The following LDLRAD4 variants were observed in gnomAD, a reference collection of about 807,000 sequenced individuals.
LDLRAD4 encodes the protein low-density lipoprotein receptor class A domain-containing protein 4.
Under a neutral mutation model 17.0 loss-of-function variants are expected in LDLRAD4, and 5 were observed. That is an observed-to-expected ratio of 0.29 (90% CI 0.15 to 0.62). The LOEUF is 0.62. Among genes scored for constraint, LDLRAD4 ranks in the 20% least tolerant of loss-of-function variants. LDLRAD4 has a pLI of 0.84. For synonymous variants in LDLRAD4, 168 were observed against 171.8 expected, an observed-to-expected ratio of 0.98 and a Z score of 0.17; for missense variants, 340 against 424.7, an observed-to-expected ratio of 0.80 and a Z score of 1.75.
intron 3 of LDLRAD4, chr18:13,613,862 C>T (rs1253970099): frequency 3.9e-5 from 6 of 152,404 alleles, no homozygotes; most frequent in African/African-American, 1.2e-4. Context: ...GTTCATCTCT[C>T]CACCTACAGA....
chr18:13,336,850 A>G (rs2082126669), intron 1 of LDLRAD4, among the ~76,000 whole-genome samples: 1 of 152,240 alleles, frequency 6.6e-6, no homozygotes, highest in South Asian at 2.1e-4. Flanking sequence ...AACAATGACA[A>G]AATTTTGGTC....
At chr18:13,538,618 GGGTTCAAGC>G (rs1468054175) in intron 3 of LDLRAD4, among the ~76,000 whole-genome samples, 4 of 151,740 alleles carry the variant, frequency 2.6e-5, no homozygotes, top group African/African-American at 9.7e-5. Flanking sequence ...TCCGCCTCCT[GGGTTCAAGC>G]GATTCTCCCA....
rs181737101 is a variant in LDLRAD4 at position 13,528,774 on chromosome 18, A to G, written c.181+90390A>G. Among the ~76,000 whole-genome samples the G allele has an allele frequency of 1.0e-3, 156 of 152,332 alleles. 1 individual carries two copies. The highest frequency in any genetic ancestry group is 2.7e-3 in the African/African-American group (112 of 41,580). On this transcript the variant is annotated intron_variant, in intron 3 of 5. Coordinates refer to ENST00000359446, the Ensembl canonical transcript of LDLRAD4. ...TTCTGCAGTAACACCCGTGGTTCCC[A>G]TTGCACACCCCACTGGCTCCTGCAT... is the stretch of plus-strand genomic sequence containing the variant.
At chr18:13,454,187 G>A (rs140099575) in intron 3 of LDLRAD4, among the ~76,000 whole-genome samples, 66 of 152,348 alleles carry the variant, frequency 4.3e-4, no homozygotes, top group African/African-American at 1.2e-3. Flanking sequence ...CAGTGTTCAC[G>A]TGGAGGGAAT....
intron 2 of LDLRAD4, among the ~76,000 whole-genome samples, chr18:13,395,768 G>C (rs960561645): frequency 6.6e-6 from 1 of 150,396 alleles, no homozygotes; most frequent in Non-Finnish European, 1.5e-5. Flanking sequence ...GCGTGGGGGT[G>C]GGGGCATGGG....
At chr18:13,486,643 C>T (rs1382415306) in intron 3 of LDLRAD4, 1 of 152,146 alleles carries the variant, frequency 6.6e-6, no homozygotes, top group East Asian at 1.9e-4. Flanking sequence ...CACTTCATCA[C>T]TCTGTTTATT....
chr18:13,520,386 T>C (rs1200379548), intron 3 of LDLRAD4: 1 of 152,176 alleles, frequency 6.6e-6, no homozygotes, highest in Admixed American at 6.5e-5. Flanking sequence ...ACTTTACATA[T>C]CTTTAGTGCT....
chr18:13,375,049 T>C (rs2084803287), intron 1 of LDLRAD4, among the ~76,000 whole-genome samples: 1 of 152,206 alleles, frequency 6.6e-6, no homozygotes, highest in African/African-American at 2.4e-5. Flanking sequence ...TTTTTGGCGA[T>C]CTGAGGTCTG....
At chr18:13,631,335 A>T (rs1390230452) in intron 4 of LDLRAD4, among the ~76,000 whole-genome samples, 2 of 152,226 alleles carry the variant, frequency 1.3e-5, no homozygotes, top group African/African-American at 2.4e-5. Flanking sequence ...ATCTTAATAG[A>T]TCTATAGCTA....
At chr18:13,446,734 G>T (rs1464646490) in intron 3 of LDLRAD4, among the ~76,000 whole-genome samples, 2 of 152,238 alleles carry the variant, frequency 1.3e-5, no homozygotes, top group Non-Finnish European at 2.9e-5. Flanking sequence ...GGGCGGCTCT[G>T]TTTCTGCCAT....
At chr18:13,463,137 G>A (rs569405053) in intron 3 of LDLRAD4, among the ~76,000 whole-genome samples, 176 of 152,290 alleles carry the variant, frequency 1.2e-3, no homozygotes, top group Non-Finnish European at 2.0e-3. Context: ...AGAATCACAC[G>A]TGATGTGTGT....
At position 13,463,768 on chromosome 18, in the gene LDLRAD4, C is replaced by T. The variant is rs182596185; in HGVS notation, c.181+25384C>T. 1.4e-3 allele frequency among the ~76,000 whole-genome samples: 210 copies of T among 152,302 alleles called. No individual in the cohort carries two copies. The South Asian group carries it at 0.017, about 12-fold the overall frequency. On this transcript the variant is annotated intron_variant, in intron 3 of 5. Transcript: ENST00000359446. ...TTCAGGCCAGCTTGACAGCCACCCC[C>T]GCCTTTAGGGAGCTGCAGCAGCTAA...
intron 3 of LDLRAD4, among the ~76,000 whole-genome samples, chr18:13,531,608 A>T (rs868227184): frequency 5.4e-4 from 12 of 22,382 alleles, no homozygotes; most frequent in East Asian, 2.0e-3. Flanking sequence ...TTTTTTTTTT[A>T]AAGAAATCAC....
At chr18:13,612,031 C>T (rs572300573) in intron 3 of LDLRAD4, 12 of 985,390 alleles carry the variant, frequency 1.2e-5, no homozygotes, top group East Asian at 1.1e-4. Flanking sequence ...GCGAGCCTAA[C>T]GTGAGCGTCC....
intron 1 of LDLRAD4, among the ~76,000 whole-genome samples, chr18:13,219,518 T>C (rs2041332445): frequency 6.6e-6 from 1 of 152,164 alleles, no homozygotes; most frequent in Non-Finnish European, 1.5e-5. Context: ...TACATATTTA[T>C]TGAGGGCCTA....
chr18:13,611,499 T>C lies in LDLRAD4; in HGVS notation c.182-9618T>C, dbSNP rs561090349. The C allele has an allele frequency of 1.6e-5, 16 of 985,054 alleles. No homozygotes were observed. In the Admixed American group the frequency reaches 8.0e-4, roughly 49 times the overall value. The allele number at this position is 985,054 out of a possible 1,614,324, so 61.0% of individuals were successfully genotyped here. ...GGGGCATCCGAATGCACGGGAGATG[T>C]TTTACACTCAGATGAAACAAACTGT... On this transcript the variant is annotated intron_variant, in intron 3 of 5. Transcript: ENST00000359446.
intron 3 of LDLRAD4, among the ~76,000 whole-genome samples, chr18:13,583,526 T>C (rs2094894596): frequency 6.6e-6 from 1 of 152,158 alleles, no homozygotes; most frequent in Non-Finnish European, 1.5e-5. Context: ...ATAAGTGTTA[T>C]TAGAGTTCCA....
chr18:13,326,425 G>T (rs2081541001), intron 1 of LDLRAD4, among the ~76,000 whole-genome samples: 1 of 152,206 alleles, frequency 6.6e-6, no homozygotes, highest in Admixed American at 6.5e-5. Flanking sequence ...ATGTCTCTGG[G>T]CAGGTGGAGG....
intron 1 of LDLRAD4, among the ~76,000 whole-genome samples, chr18:13,357,266 A>T (rs970746150): frequency 6.6e-6 from 1 of 152,218 alleles, no homozygotes; most frequent in African/African-American, 2.4e-5. Flanking sequence ...TTAATTAGAG[A>T]TGAGGTCTTG....
Sources: gnomAD v4.1 joint callset for allele counts (sites outside exome capture counted in the v4.1 genomes callset) on GRCh38, gnomAD v4.1.1 for gene constraint, MANE v1.5 for transcripts, NCBI Gene and HGNC (gene_info 2026-07-23, HGNC 2026-07-21) for gene names.